The following SLC71A2 variants were observed in gnomAD, a reference collection of about 807,000 sequenced individuals.
SLC71A2 encodes solute carrier family 71 member 2.
At chr9:94,415,137 CATA>C in the SLC71A2 span, 1 of 1,556,074 alleles carries the variant, frequency 6.4e-7, no homozygotes, top group East Asian at 2.2e-5. Flanking sequence ...TGCTAATTTT[CATA>C]ATAACTTTCT....
At chr9:94,422,866 G>A in the SLC71A2 span, among the ~76,000 whole-genome samples, 2 of 150,918 alleles carry the variant, frequency 1.3e-5, no homozygotes, top group African/African-American at 4.9e-5. Flanking sequence ...TCATGTGTAC[G>A]TTTGTCTCTA....
the SLC71A2 span, among the ~76,000 whole-genome samples, chr9:94,378,099 C>G: frequency 1.4e-5 from 2 of 145,320 alleles, no homozygotes; most frequent in Non-Finnish European, 3.0e-5. Context: ...TGCACTCCAG[C>G]CTGGCGACAG....
the SLC71A2 span, chr9:94,446,993 T>G: frequency 1.1e-6 from 1 of 886,348 alleles, no homozygotes; most frequent in South Asian, 1.4e-5. Context: ...GATGGAGATT[T>G]GTCTAAAGAT....
At chr9:94,386,999 C>T in the SLC71A2 span, among the ~76,000 whole-genome samples, 1 of 151,726 alleles carries the variant, frequency 6.6e-6, no homozygotes, top group Admixed American at 6.6e-5. Context: ...TAAAAGTTTC[C>T]TCCTCTTACA....
the SLC71A2 span, among the ~76,000 whole-genome samples, chr9:94,451,984 T>C: frequency 1.3e-5 from 2 of 152,198 alleles, no homozygotes; most frequent in African/African-American, 4.8e-5. Context: ...CCTCTGGTGC[T>C]CCCCTTGCAC....
At chr9:94,410,468 G>A in the SLC71A2 span, among the ~76,000 whole-genome samples, 1 of 151,924 alleles carries the variant, frequency 6.6e-6, no homozygotes, top group African/African-American at 2.4e-5. Flanking sequence ...TGAACTCCTA[G>A]GCTCAGGTGA....
At chr9:94,398,508 C>CT in the SLC71A2 span, among the ~76,000 whole-genome samples, 1 of 152,264 alleles carries the variant, frequency 6.6e-6, no homozygotes, top group African/African-American at 2.4e-5. Context: ...GAAGACCTTC[C>CT]TCTGGAGCCT....
chr9:94,452,443 A>C, the SLC71A2 span, among the ~76,000 whole-genome samples: 2 of 151,906 alleles, frequency 1.3e-5, no homozygotes, highest in African/African-American at 4.8e-5. Flanking sequence ...CTAAAAATAC[A>C]AAAATCAGCT....
At chr9:94,410,206 C>G in the SLC71A2 span, among the ~76,000 whole-genome samples, 1 of 151,776 alleles carries the variant, frequency 6.6e-6, no homozygotes, top group African/African-American at 2.4e-5. Context: ...AGCGATCTTC[C>G]TGCCTCAGTC....
the SLC71A2 span, among the ~76,000 whole-genome samples, chr9:94,454,791 A>G: frequency 2.6e-5 from 4 of 152,230 alleles, no homozygotes; most frequent in Non-Finnish European, 5.9e-5. Flanking sequence ...ACCTTGATAA[A>G]TCATTTGAGT....
chr9:94,411,885 CT>C, the SLC71A2 span, among the ~76,000 whole-genome samples: 3 of 152,328 alleles, frequency 2.0e-5, no homozygotes, highest in South Asian at 6.2e-4. Context: ...GCCACTTCCC[CT>C]GGCCCAGAGT....
the SLC71A2 span, among the ~76,000 whole-genome samples, chr9:94,395,160 C>T: frequency 0.012 from 1,808 of 146,586 alleles, 14 homozygotes; most frequent in Non-Finnish European, 0.017. Context: ...GTAATCCACC[C>T]GCCTCAGCCT....
chr9:94,401,933 A>C, the SLC71A2 span, among the ~76,000 whole-genome samples: 1 of 152,070 alleles, frequency 6.6e-6, no homozygotes, highest in African/African-American at 2.4e-5. Flanking sequence ...CAAGGGGTGG[A>C]TTATTCATGC....
the SLC71A2 span, among the ~76,000 whole-genome samples, chr9:94,429,939 T>C: frequency 6.7e-6 from 1 of 150,166 alleles, no homozygotes; most frequent in African/African-American, 2.5e-5. Context: ...GGAGTCTCGC[T>C]CTGTCACCAG....
chr9:94,454,029 G>T, the SLC71A2 span: 1 of 1,614,142 alleles, frequency 6.2e-7, no homozygotes, highest in South Asian at 1.1e-5. Context: ...TGGGCTTCCA[G>T]ATGCTCCAGT....
At chr9:94,453,867 G>C in the SLC71A2 span, 1 of 845,118 alleles carries the variant, frequency 1.2e-6, no homozygotes, top group Non-Finnish European at 2.0e-6. Flanking sequence ...AGAGGTCTCT[G>C]GTCATCAGGG....
At chr9:94,418,757 CTTTTT>C in the SLC71A2 span, among the ~76,000 whole-genome samples, 1 of 131,198 alleles carries the variant, frequency 7.6e-6, no homozygotes, top group Non-Finnish European at 1.7e-5. Flanking sequence ...TCCTTTAATT[CTTTTT>C]TTTTTTTTTT....
chr9:94,418,211 GTTTA>G, the SLC71A2 span, among the ~76,000 whole-genome samples: 4 of 152,104 alleles, frequency 2.6e-5, no homozygotes, highest in Admixed American at 2.6e-4. Flanking sequence ...CTGAGGAGCT[GTTTA>G]TTTATTTTTA....
At chr9:94,444,500 AGT>A in the SLC71A2 span, among the ~76,000 whole-genome samples, 5 of 152,228 alleles carry the variant, frequency 3.3e-5, no homozygotes, top group Non-Finnish European at 7.3e-5. Flanking sequence ...CAAACAGTGC[AGT>A]GTTTTTAGAA....
Sources: gnomAD v4.1 joint callset for allele counts (sites outside exome capture counted in the v4.1 genomes callset) on GRCh38, gnomAD v4.1.1 for gene constraint, MANE v1.5 for transcripts, NCBI Gene and HGNC (gene_info 2026-07-23, HGNC 2026-07-21) for gene names.